WWOX: variants seen among roughly 807,000 people sequenced by gnomAD.
WWOX encodes WW domain-containing oxidoreductase.
In WWOX, 69 loss-of-function variants were observed where a neutral mutation model predicts 46.2. The ratio of observed to expected loss-of-function variants is 1.49; its 90% CI spans 1.23 to 1.82. WWOX has a LOEUF of 1.82. Ranked by LOEUF, WWOX falls within the 40% of genes most tolerant of loss-of-function variation. WWOX has a pLI of 0.00. For synonymous variants in WWOX, 359 were observed against 202.6 expected (o/e 1.77, Z -6.56); for missense variants, 919 against 542.6 (o/e 1.69, Z -6.89).
At chr16:78,702,775 C>T (rs1414714118) in intron 8 of WWOX, among the ~76,000 whole-genome samples, 1 of 152,148 alleles carries the variant, frequency 6.6e-6, no homozygotes, top group Non-Finnish European at 1.5e-5. Context: ...TGTCTGCACA[C>T]CTCTTGCATG....
At chr16:79,080,281 T>G (rs1241687192) in intron 8 of WWOX, among the ~76,000 whole-genome samples, 1 of 152,210 alleles carries the variant, frequency 6.6e-6, no homozygotes, top group Non-Finnish European at 1.5e-5. Context: ...TCTCTGTCTC[T>G]CATCTCTGCT....
intron 8 of WWOX, among the ~76,000 whole-genome samples, chr16:78,558,067 G>T (rs1411097177): frequency 6.6e-6 from 1 of 152,064 alleles, no homozygotes; most frequent in Non-Finnish European, 1.5e-5. Context: ...ACTAACTTAG[G>T]TCACAGATGT....
At chr16:78,206,924 C>T (rs939178652) in intron 5 of WWOX, among the ~76,000 whole-genome samples, 4 of 152,148 alleles carry the variant, frequency 2.6e-5, no homozygotes, top group Non-Finnish European at 5.9e-5. Flanking sequence ...CTCTCCCTTA[C>T]TGATAATTGA....
chr16:78,320,696 T>C (rs1473269875), intron 5 of WWOX, among the ~76,000 whole-genome samples: 1 of 152,196 alleles, frequency 6.6e-6, no homozygotes, highest in Admixed American at 6.5e-5. Flanking sequence ...TTCAAGTATC[T>C]GGATGTTTCT....
intron 8 of WWOX, among the ~76,000 whole-genome samples, chr16:78,634,043 A>C (rs1209293354): frequency 6.6e-6 from 1 of 151,974 alleles, no homozygotes; most frequent in Non-Finnish European, 1.5e-5. Context: ...GTGGGGTTGG[A>C]CCCTGTTTTT....
At chr16:78,501,961 G>C (rs1391972849) in intron 8 of WWOX, among the ~76,000 whole-genome samples, 2 of 152,134 alleles carry the variant, frequency 1.3e-5, no homozygotes, top group Admixed American at 6.5e-5. Context: ...TCCTCTCAGA[G>C]TTAACGTAGA....
chr16:78,904,407 T>C (rs1340958240), intron 8 of WWOX, among the ~76,000 whole-genome samples: 2 of 151,698 alleles, frequency 1.3e-5, no homozygotes, highest in South Asian at 2.1e-4. Context: ...CCCAGCTAAT[T>C]TTTGTATTTT....
intron 8 of WWOX, among the ~76,000 whole-genome samples, chr16:78,967,761 C>G (rs530587596): frequency 6.6e-6 from 1 of 152,148 alleles, no homozygotes; most frequent in African/African-American, 2.4e-5. Context: ...AAGCTGGAGA[C>G]TGCAGAGGAT....
At chr16:78,309,579 A>T (rs1306187351) in intron 5 of WWOX, among the ~76,000 whole-genome samples, 6 of 152,146 alleles carry the variant, frequency 3.9e-5, no homozygotes, top group Non-Finnish European at 7.4e-5. Flanking sequence ...TAAAGTGTAT[A>T]AAATCAAGGT....
In WWOX at chr16:78,099,870, G is replaced by C. The variant is rs1373275419; in HGVS notation, c.92G>C (p.Trp31Ser). Residue 31 changes from tryptophan (W) to serine (S), a missense_variant, in exon 1 of 9, where the codon TGG (tryptophan) becomes TCG (serine). Physicochemically the swap from Trp to Ser is radical, Grantham distance 177 (BLOSUM62 -3). Coordinates refer to ENST00000566780, the MANE Select transcript of WWOX (RefSeq NM_016373.4). The stretch of plus-strand genomic sequence containing the variant: ...GAGGAGAGAACCACCAAGGACGGCT[G>C]GGTTTACTACGCCAAGTAAGGGGGC... Reference protein sequence around the residue: ...GWEERTTKDGWVYYANHTEEK... With the variant: ...GWEERTTKDGSVYYANHTEEK... 1.3e-6 allele frequency: 2 copies of C among 1,572,534 alleles called. No individual in the cohort carries two copies. The highest frequency in any genetic ancestry group is 8.6e-7 in the Non-Finnish European group (1 of 1,159,838).
intron 4 of WWOX, among the ~76,000 whole-genome samples, chr16:78,116,806 C>G (rs1306570944): frequency 6.6e-6 from 1 of 152,160 alleles, no homozygotes; most frequent in African/African-American, 2.4e-5. Flanking sequence ...CTTTAAAGAT[C>G]TTATTCTCTT....
chr16:78,688,320 A>T (rs1295509261), intron 8 of WWOX, among the ~76,000 whole-genome samples: 1 of 151,704 alleles, frequency 6.6e-6, no homozygotes, highest in Non-Finnish European at 1.5e-5. Context: ...AAATTTTCTG[A>T]GAGAAAATTC....
At chr16:78,101,781 A>G (rs190679059) in intron 1 of WWOX, among the ~76,000 whole-genome samples, 197 of 152,300 alleles carry the variant, frequency 1.3e-3, no homozygotes, top group Non-Finnish European at 2.6e-3. Flanking sequence ...TTCATTCAAG[A>G]CACACACAGG....
intron 8 of WWOX, among the ~76,000 whole-genome samples, chr16:79,124,917 C>T (rs16949610): frequency 0.051 from 7,750 of 152,176 alleles, 653 homozygotes; most frequent in African/African-American, 0.17. Context: ...GTATTACTGT[C>T]CTCATTTTCA....
intron 8 of WWOX, among the ~76,000 whole-genome samples, chr16:78,949,193 C>T (rs560607200): frequency 6.6e-6 from 1 of 152,140 alleles, no homozygotes; most frequent in African/African-American, 2.4e-5. Flanking sequence ...AAAGAAGAGC[C>T]CAGGCTGGCT....
At chr16:78,380,321 A>T (rs965775867) in intron 5 of WWOX, among the ~76,000 whole-genome samples, 37 of 152,196 alleles carry the variant, frequency 2.4e-4, no homozygotes, top group African/African-American at 8.7e-4. Context: ...ATGGCTTTGC[A>T]GTTATTATCT....
intron 8 of WWOX, among the ~76,000 whole-genome samples, chr16:78,944,028 CAAAT>C (rs768962033): frequency 6.6e-6 from 1 of 152,250 alleles, no homozygotes; most frequent in Admixed American, 6.5e-5. Context: ...TGAAGAAAAA[CAAAT>C]AAACAAAAAC....
At chr16:78,611,846 A>C (rs1456827027) in intron 8 of WWOX, among the ~76,000 whole-genome samples, 1 of 152,184 alleles carries the variant, frequency 6.6e-6, no homozygotes, top group Non-Finnish European at 1.5e-5. Flanking sequence ...AAGGATCTTA[A>C]AGTTTCTACT....
rs2051877108 is a variant in WWOX, at chr16:78,833,108, C to G, written c.1057-378500C>G. ...CCAGGCTGCAGTGCAGTGGTACAAT[C>G]AGAGATCACTGCAGCCTCCAACTCC... On this transcript the variant is annotated intron_variant, in intron 8 of 8. Coordinates refer to ENST00000566780, the MANE Select transcript of WWOX (RefSeq NM_016373.4). Among the ~76,000 whole-genome samples the G allele has an allele frequency of 2.0e-5, 3 of 150,758 alleles. No homozygotes were observed. In the South Asian group the frequency reaches 6.3e-4, roughly 32 times the overall value.
Sources: allele counts gnomAD v4.1 joint callset (sites outside exome capture counted in the v4.1 genomes callset), GRCh38; gene constraint gnomAD v4.1.1; transcripts MANE v1.5; gene names NCBI Gene and HGNC (gene_info 2026-07-23, HGNC 2026-07-21).